The following TRPM7 variants were observed in gnomAD, a reference collection of about 807,000 sequenced individuals.
TRPM7 encodes the protein LTRPC ion channel family member 7.
In TRPM7, 134 loss-of-function variants were observed where a neutral mutation model predicts 229.7. That is an observed-to-expected ratio of 0.58 (90% CI 0.51 to 0.67). The LOEUF (loss-of-function observed/expected upper bound fraction) is 0.67. Ranked by LOEUF, TRPM7 falls within the 30% of genes least tolerant of loss-of-function variation. The pLI is 0.00. For synonymous variants in TRPM7, 699 were observed against 715.2 expected, an observed-to-expected ratio of 0.98 and a Z score of 0.36; for missense variants, 1,901 against 2,210.0, an observed-to-expected ratio of 0.86 and a Z score of 2.80.
intron 3 of TRPM7, among the ~76,000 whole-genome samples, chr15:50,654,167 T>C (rs1268197078): frequency 6.6e-6 from 1 of 152,148 alleles, no homozygotes; most frequent in Non-Finnish European, 1.5e-5. Flanking sequence ...AAAAAATTAT[T>C]GGCCGGGTGC....
chr15:50,565,778 A>G (rs1375944062), intron 38 of TRPM7, among the ~76,000 whole-genome samples: 4 of 152,170 alleles, frequency 2.6e-5, no homozygotes, highest in African/African-American at 7.2e-5. Flanking sequence ...AGCAGAATAT[A>G]CATTACTTTC....
chr15:50,659,018 G>GAA (rs1259679283), intron 2 of TRPM7, among the ~76,000 whole-genome samples: 1 of 151,952 alleles, frequency 6.6e-6, no homozygotes, highest in Non-Finnish European at 1.5e-5. Flanking sequence ...CTAACGCAGT[G>GAA]AAACCCCGTC....
intron 1 of TRPM7, among the ~76,000 whole-genome samples, chr15:50,685,451 T>A (rs1280628363): frequency 6.6e-6 from 1 of 152,230 alleles, no homozygotes; most frequent in East Asian, 1.9e-4. Flanking sequence ...AGTGAGACCC[T>A]GTCTCAAAAC....
intron 38 of TRPM7, among the ~76,000 whole-genome samples, chr15:50,562,234 G>A (rs1422028954): frequency 6.6e-6 from 1 of 152,142 alleles, no homozygotes; most frequent in African/African-American, 2.4e-5. Flanking sequence ...CTCCAAACAT[G>A]TCAGACTTGT....
At chr15:50,660,067 T>C (rs536243929) in intron 2 of TRPM7, among the ~76,000 whole-genome samples, 28 of 152,348 alleles carry the variant, frequency 1.8e-4, no homozygotes, top group African/African-American at 6.0e-4. Context: ...GCTTAAATAC[T>C]AATCCCATCT....
rs1209866855 is a variant in TRPM7 at position 50,631,470 on chromosome 15, C to G, written c.1151G>C (p.Gly384Ala). The change falls in exon 10 of 39, where the codon GGG (glycine) becomes GCG (alanine). Residue 384 changes from glycine (G) to alanine (A), a missense_variant. Physicochemically the swap from Gly to Ala is moderately conservative, Grantham distance 60 (BLOSUM62 0). Around this residue, in one of 8 missense-constraint regions of TRPM7, gnomAD observed 794 missense variants for 881.9 expected, o/e 0.90. Coordinates refer to ENST00000646667, the MANE Select transcript of TRPM7 (RefSeq NM_017672.6). ...RKELITVFHI[G>A]SDEHQDIDVA... Reference sequence around the variant, plus strand: ...ATCTATATCTTGATGTTCATCTGACCCAATATGGAAAACAGTGATCTATTT... The same window carrying G: ...ATCTATATCTTGATGTTCATCTGACGCAATATGGAAAACAGTGATCTATTT... 1 of 1,605,998 alleles carries G rather than the reference C, an allele frequency of 6.2e-7. No individual in the cohort carries two copies.
At position 50,607,264 on chromosome 15, in the gene TRPM7, G is replaced by A; in HGVS notation, c.2645C>T (p.Pro882Leu). ...AATAACAATCCATTCTTGAACTGAA[G>A]GTAACTGTTCCATTTGTACAAGAAC... is the stretch of plus-strand genomic sequence containing the variant. ...FVVLVQMEQL[P>L]SVQEWIVIAY... The change falls in exon 20 of 39, where the codon CCT (proline) becomes CTT (leucine). Residue 882 changes from proline (P) to leucine (L), a missense_variant. Physicochemically the swap from Pro to Leu is moderately conservative, Grantham distance 98 (BLOSUM62 -3). Around this residue, in one of 8 missense-constraint regions of TRPM7, gnomAD observed 207 missense variants for 241.5 expected, o/e 0.86. Transcript: ENST00000646667. 6.2e-7 allele frequency: 1 copy of A among 1,608,458 alleles called. No individual in the cohort carries two copies. The highest frequency in any genetic ancestry group is 8.5e-7 in the Non-Finnish European group (1 of 1,176,900).
At position 50,586,481 on chromosome 15, in the gene TRPM7, T is replaced by C. The variant is rs375127573; in HGVS notation, c.4397A>G (p.Asn1466Ser). Residue 1466 changes from asparagine to serine, a missense_variant, in exon 28 of 39, where the codon AAT becomes AGT. By Grantham distance (46) the Asn-to-Ser change is conservative (BLOSUM62 1). Around this residue, in one of 8 missense-constraint regions of TRPM7, gnomAD observed 533 missense variants for 497.1 expected, o/e 1.07. Transcript: ENST00000646667. The stretch of plus-strand genomic sequence containing the variant: ...TCGTTTCAAAGTGTTTTCAGAAGTA[T>C]TGTTATTCTGCAAATATTGTGCAGA... ...SNKIKILSNNNTSENTLKRVS... is the reference protein window; with the variant it reads ...SNKIKILSNNSTSENTLKRVS... 63 of 1,605,370 alleles carry C rather than the reference T, an allele frequency of 3.9e-5. No homozygotes were observed. In the African/African-American group the frequency reaches 4.4e-4, roughly 11 times the overall value.
intron 1 of TRPM7, among the ~76,000 whole-genome samples, chr15:50,665,189 A>T (rs1308470926): frequency 1.3e-5 from 2 of 152,212 alleles, no homozygotes; most frequent in East Asian, 3.9e-4. Flanking sequence ...ACCTGAGGCC[A>T]GGAGTTCGAG....
chr15:50,601,189 A>G (rs2059771687), intron 21 of TRPM7, among the ~76,000 whole-genome samples: 1 of 152,242 alleles, frequency 6.6e-6, no homozygotes, highest in Non-Finnish European at 1.5e-5. Context: ...ACGTAAACTA[A>G]AATTATTCAA....
At chr15:50,686,484 C>G in intron 1 of TRPM7, 47 bp downstream of exon 1, 1 of 1,614,112 alleles carries the variant, frequency 6.2e-7, no homozygotes, top group Non-Finnish European at 8.5e-7. Flanking sequence ...CTTTACCGCC[C>G]GCAACCCCAG....
chr15:50,639,660 G>T, intron 5 of TRPM7, 112 bp from the exon 6 acceptor site: 1 of 878,432 alleles, frequency 1.1e-6, no homozygotes, highest in Non-Finnish European at 1.6e-6. Flanking sequence ...TCAAACTCCT[G>T]GACTCAAGCG....
chr15:50,593,525 C>T, intron 25 of TRPM7, 92 bp downstream of exon 25: 1 of 1,365,072 alleles, frequency 7.3e-7, no homozygotes, highest in Non-Finnish European at 1.0e-6. Flanking sequence ...TATTGTTTGA[C>T]AAAATAAATT....
chr15:50,680,996 T>C (rs1355549960), intron 1 of TRPM7, among the ~76,000 whole-genome samples: 1 of 152,150 alleles, frequency 6.6e-6, no homozygotes, highest in Non-Finnish European at 1.5e-5. Flanking sequence ...CTCATGCCTG[T>C]AATCCCAGCA....
chr15:50,678,970 T>C (rs1301059318), intron 1 of TRPM7, among the ~76,000 whole-genome samples: 1 of 152,150 alleles, frequency 6.6e-6, no homozygotes, highest in Non-Finnish European at 1.5e-5. Flanking sequence ...ACCTCCTGGG[T>C]TCAAGAGATT....
intron 12 of TRPM7, among the ~76,000 whole-genome samples, chr15:50,620,729 G>A (rs554862706): frequency 7.3e-4 from 111 of 152,162 alleles, no homozygotes; most frequent in African/African-American, 2.6e-3. Flanking sequence ...TCAGGAGTTC[G>A]AGACCAGCCT....
At position 50,631,150 on chromosome 15, in the gene TRPM7, G is replaced by A. The variant is rs2060717328; in HGVS notation, c.1204+267C>T. ...CCCAGGATGTTAGACGTTCTTAATA[G>A]GACTATTAAATAGGTTTGGTGGCAT... is the stretch of plus-strand genomic sequence containing the variant. On this transcript the variant is annotated intron_variant, in intron 10 of 38. Coordinates refer to ENST00000646667, the MANE Select transcript of TRPM7 (RefSeq NM_017672.6). Among the ~76,000 whole-genome samples, 3 of 152,092 alleles carry A rather than the reference G, an allele frequency of 2.0e-5. No individual in the cohort carries two copies. In the South Asian group the frequency reaches 6.2e-4, roughly 32 times the overall value.
intron 7 of TRPM7, among the ~76,000 whole-genome samples, chr15:50,637,129 G>GAAA (rs34279292): frequency 7.5e-6 from 1 of 133,232 alleles, no homozygotes; most frequent in Non-Finnish European, 1.6e-5. Context: ...CCGCCTCAAA[G>GAAA]AAAAAAAAAA....
intron 3 of TRPM7, among the ~76,000 whole-genome samples, chr15:50,652,167 T>C (rs1395483279): frequency 6.6e-6 from 1 of 150,902 alleles, no homozygotes; most frequent in East Asian, 2.0e-4. Flanking sequence ...ATCCTGTCTC[T>C]ACTAAAAATA....
Sources: allele counts gnomAD v4.1 joint callset (sites outside exome capture counted in the v4.1 genomes callset), GRCh38; gene constraint gnomAD v4.1.1; regional missense constraint gnomAD v4.1.1; transcripts MANE v1.5; gene names NCBI Gene and HGNC (gene_info 2026-07-23, HGNC 2026-07-21).